The following BCAP29 variants were observed in gnomAD, a reference collection of about 807,000 sequenced individuals.
BCAP29 encodes B-cell receptor-associated protein 29.
A neutral mutation model predicts 31.8 loss-of-function variants in BCAP29; 34 were observed. That is an observed-to-expected ratio of 1.07 (90% CI 0.81 to 1.42). The LOEUF is 1.42. BCAP29 is among the 40% of genes most tolerant of loss of function. The probability of loss-of-function intolerance (pLI) is 0.00; values close to 1 mark genes in which losing one functional copy is unlikely to be tolerated. For synonymous variants in BCAP29, 104 were observed against 91.3 expected, an observed-to-expected ratio of 1.14 and a Z score of -0.79; for missense variants, 314 against 269.2, an observed-to-expected ratio of 1.17 and a Z score of -1.16.
intron 5 of BCAP29, among the ~76,000 whole-genome samples, chr7:107,598,954 C>A (rs575485853): frequency 2.1e-5 from 3 of 141,122 alleles, no homozygotes; most frequent in Non-Finnish European, 4.5e-5. Flanking sequence ...TATGTGCACA[C>A]GTGTATATAT....
chr7:107,582,090 T>C (rs918049016), intron 2 of BCAP29, among the ~76,000 whole-genome samples: 1 of 152,212 alleles, frequency 6.6e-6, no homozygotes, highest in African/African-American at 2.4e-5. Flanking sequence ...TTTTTGGTAA[T>C]ATTTGCAATG....
rs188554172 is a variant in BCAP29 at position 107,606,168 on chromosome 7, T to G, written c.589+5663T>G. ...CCCTAAATATTAGAAGCTGTTCATA[T>G]AGCTTTTGCTAAGTTATATGAATTA... On this transcript the variant is annotated intron_variant, in intron 6 of 7. Coordinates refer to ENST00000005259, the MANE Select transcript of BCAP29 (RefSeq NM_018844.4). 6.2e-3 allele frequency among the ~76,000 whole-genome samples: 952 copies of G among 152,344 alleles called. 6 individuals are homozygous for G. The highest frequency in any genetic ancestry group is 0.016 in the South Asian group (76 of 4,832).
At chr7:107,582,320 T>G (rs1446844733) in intron 2 of BCAP29, among the ~76,000 whole-genome samples, 2 of 152,202 alleles carry the variant, frequency 1.3e-5, no homozygotes, top group Non-Finnish European at 2.9e-5. Flanking sequence ...TATTTGCATA[T>G]GATATATAAA....
intron 3 of BCAP29, among the ~76,000 whole-genome samples, 195 bp from the exon 4 acceptor site, chr7:107,593,760 C>T (rs1809304397): frequency 1.3e-5 from 2 of 152,182 alleles, no homozygotes; most frequent in Non-Finnish European, 2.9e-5. Flanking sequence ...AAATTTGCTA[C>T]TAGTGTCCAT....
At chr7:107,615,378 G>A (rs1213779130) in intron 7 of BCAP29, 6 of 454,948 alleles carry the variant, frequency 1.3e-5, no homozygotes, top group East Asian at 7.0e-5. Context: ...TGAGGCGGGC[G>A]GATCATGGGA....
chr7:107,615,372 G>A, intron 7 of BCAP29: 1 of 456,220 alleles, frequency 2.2e-6, no homozygotes, highest in South Asian at 1.5e-5. Context: ...GAAGGCTGAG[G>A]CGGGCGGATC....
At chr7:107,605,662 G>C (rs2129272533) in intron 6 of BCAP29, among the ~76,000 whole-genome samples, 1 of 152,318 alleles carries the variant, frequency 6.6e-6, no homozygotes, top group Non-Finnish European at 1.5e-5. Context: ...TGTGCTGTAT[G>C]GTTGAGGGGT....
intron 6 of BCAP29, among the ~76,000 whole-genome samples, chr7:107,610,386 A>T (rs1397938485): frequency 6.6e-6 from 1 of 152,220 alleles, no homozygotes; most frequent in African/African-American, 2.4e-5. Context: ...TTTCTTATAT[A>T]TGCTGTTTCC....
At chr7:107,607,764 C>T (rs1047006814) in intron 6 of BCAP29, among the ~76,000 whole-genome samples, 1 of 151,670 alleles carries the variant, frequency 6.6e-6, no homozygotes, top group East Asian at 1.9e-4. Flanking sequence ...TTCAGCCTCC[C>T]GAGCAGCTGG....
chr7:107,600,613 A>T (rs1199324757), intron 6 of BCAP29, 108 bp downstream of exon 6: 1 of 593,920 alleles, frequency 1.7e-6, no homozygotes, highest in Non-Finnish European at 2.9e-6. Context: ...TTCTTCTAAG[A>T]TACCGAGAAT....
intron 6 of BCAP29, among the ~76,000 whole-genome samples, chr7:107,604,400 C>G (rs1028029981): frequency 6.6e-6 from 1 of 151,910 alleles, no homozygotes; most frequent in Non-Finnish European, 1.5e-5. Flanking sequence ...ATCTGTATAC[C>G]CAAAACCCTA....
chr7:107,596,432 A>G (rs907083790), intron 5 of BCAP29, among the ~76,000 whole-genome samples: 1 of 152,214 alleles, frequency 6.6e-6, no homozygotes, highest in African/African-American at 2.4e-5. Flanking sequence ...TAGAAAGCAG[A>G]GAAACGTCAT....
Position 107,619,130 on chromosome 7 carries a change from C to T in BCAP29, c.*767C>T, listed in dbSNP as rs925620331. The stretch of plus-strand genomic sequence containing the variant: ...CAGTGTAGAATTCTTGAAAAGTTAA[C>T]GTAGAAAATATCCAAAAAGCAGTAT... On this transcript the variant is annotated 3_prime_UTR_variant, in exon 8 of 8. Coordinates refer to ENST00000005259, the MANE Select transcript of BCAP29 (RefSeq NM_018844.4). The T allele has an allele frequency of 7.9e-5, 12 of 152,262 alleles. No individual in the cohort carries two copies. The highest frequency in any genetic ancestry group is 5.2e-4 in the Admixed American group (8 of 15,240). 9.4% of individuals were successfully genotyped at this position (152,262 alleles called of 1,614,324 possible). A position where few individuals can be genotyped will look rare whatever the true frequency, so the allele number is the denominator to read the frequency against.
Position 107,580,539 on chromosome 7 carries a change from C to T in BCAP29, c.-14-220C>T, listed in dbSNP as rs547729350. 714 of 455,678 alleles carry T rather than the reference C, an allele frequency of 1.6e-3. 14 individuals are homozygous for T. In the South Asian group the frequency reaches 0.024, roughly 15 times the overall value. 28.2% of individuals were successfully genotyped at this position (455,678 alleles called of 1,614,324 possible). The stretch of plus-strand genomic sequence containing the variant: ...CGAAGCTGGCGGAAAAGGCAGTGGC[C>T]AGCGAGCCGCCTCGCCAGTTCCCAC... On this transcript the variant is annotated intron_variant, in intron 1 of 7. Coordinates refer to ENST00000005259, the MANE Select transcript of BCAP29 (RefSeq NM_018844.4).
chr7:107,580,562 C>T lies in BCAP29; in HGVS notation c.-14-197C>T, dbSNP rs1806425781. On this transcript the variant is annotated intron_variant, in intron 1 of 7. Transcript: ENST00000005259. Reference sequence around the variant, plus strand: ...GCCAGCGAGCCGCCTCGCCAGTTCCCACGACTCCCAGGGAGGTGGCGACAC... The same window carrying T: ...GCCAGCGAGCCGCCTCGCCAGTTCCTACGACTCCCAGGGAGGTGGCGACAC... 1.2e-5 allele frequency: 6 copies of T among 486,494 alleles called. No homozygotes were observed. The Admixed American group carries it at 2.7e-4, about 21-fold the overall frequency. The allele number at this position is 486,494 out of a possible 1,614,324, so 30.1% of individuals were successfully genotyped here.
At chr7:107,611,913 A>G (rs1813194559) in intron 6 of BCAP29, among the ~76,000 whole-genome samples, 1 of 152,238 alleles carries the variant, frequency 6.6e-6, no homozygotes, top group South Asian at 2.1e-4. Context: ...AACTAGCCAC[A>G]TTTAAAGTTC....
intron 3 of BCAP29, among the ~76,000 whole-genome samples, chr7:107,589,630 G>A (rs1366262126): frequency 2.6e-5 from 4 of 152,212 alleles, no homozygotes; most frequent in Admixed American, 6.5e-5. Context: ...CTGACAGGCC[G>A]TGGAGCAGTA....
chr7:107,592,219 T>C (rs1346652654), intron 3 of BCAP29, among the ~76,000 whole-genome samples: 5 of 152,226 alleles, frequency 3.3e-5, no homozygotes, highest in African/African-American at 1.2e-4. Context: ...AAAAAAATTC[T>C]ATGAAAGACA....
At chr7:107,600,779 G>C (rs1811032855) in intron 6 of BCAP29, among the ~76,000 whole-genome samples, 1 of 152,182 alleles carries the variant, frequency 6.6e-6, no homozygotes, top group African/African-American at 2.4e-5. Flanking sequence ...TTCCTAAAAA[G>C]TTGTTTATAA....
Sources: gnomAD v4.1 joint callset for allele counts (sites outside exome capture counted in the v4.1 genomes callset) on GRCh38, gnomAD v4.1.1 for gene constraint, MANE v1.5 for transcripts, NCBI Gene and HGNC (gene_info 2026-07-23, HGNC 2026-07-21) for gene names.